Variants in HS6ST3 observed in about 807,000 individuals in gnomAD.
The protein encoded by HS6ST3 is heparan sulfate 6-O-sulfotransferase 3.
In HS6ST3, 12 loss-of-function variants were observed where a neutral mutation model predicts 36.7. The observed-to-expected ratio is 0.33, with a 90% CI of 0.21 to 0.53. The LOEUF is 0.53. HS6ST3 is among the 20% of genes least tolerant of loss of function. HS6ST3 has a pLI of 0.95. For synonymous variants in HS6ST3, 240 were observed against 257.5 expected (o/e 0.93, Z 0.65); for missense variants, 584 against 640.9 (o/e 0.91, Z 0.96).
intron 1 of HS6ST3, among the ~76,000 whole-genome samples, chr13:96,170,483 C>T (rs1745656286): frequency 6.6e-6 from 1 of 152,202 alleles, no homozygotes; most frequent in African/African-American, 2.4e-5. Flanking sequence ...TCATGTGATC[C>T]TGTTAGTGAG....
chr13:96,445,799 C>T (rs899686343), intron 1 of HS6ST3, among the ~76,000 whole-genome samples: 4 of 151,816 alleles, frequency 2.6e-5, no homozygotes, highest in Admixed American at 6.6e-5. Context: ...ACCCAGGAGG[C>T]GGAGGTTGCA....
At chr13:96,278,281 C>A (rs2139392254) in intron 1 of HS6ST3, among the ~76,000 whole-genome samples, 1 of 152,264 alleles carries the variant, frequency 6.6e-6, no homozygotes, top group Admixed American at 6.5e-5. Context: ...GAAACAGTTT[C>A]TGGTCTTTGA....
intron 1 of HS6ST3, among the ~76,000 whole-genome samples, chr13:96,460,360 C>T (rs1029262855): frequency 7.2e-5 from 11 of 152,056 alleles, no homozygotes; most frequent in African/African-American, 2.4e-4. Context: ...TTTAAGTTGT[C>T]GATGGTTTTA....
At chr13:96,162,316 G>A (rs7318449) in intron 1 of HS6ST3, among the ~76,000 whole-genome samples, 123,448 of 152,252 alleles carry the variant, frequency 0.81, 50,551 homozygotes, top group East Asian at 0.91. Flanking sequence ...CTGAATATGT[G>A]AGACATTTGG....
At chr13:96,423,463 G>A (rs2055570838) in intron 1 of HS6ST3, among the ~76,000 whole-genome samples, 1 of 151,964 alleles carries the variant, frequency 6.6e-6, no homozygotes, top group Non-Finnish European at 1.5e-5. Flanking sequence ...ATTGGCTGGA[G>A]AGTGTGCTGG....
intron 1 of HS6ST3, among the ~76,000 whole-genome samples, chr13:96,484,316 C>T (rs2055903682): frequency 6.6e-6 from 1 of 151,734 alleles, no homozygotes; most frequent in African/African-American, 2.4e-5. Flanking sequence ...TCCTTCCTTC[C>T]TATGTGCTGA....
chr13:96,355,886 CT>C (rs1269560620), intron 1 of HS6ST3, among the ~76,000 whole-genome samples: 1 of 31,422 alleles, frequency 3.2e-5, no homozygotes, highest in Non-Finnish European at 6.2e-5. Context: ...TCAAACTCCA[CT>C]GCTACTTCAT....
At chr13:96,824,529 C>A (rs1878609801) in intron 1 of HS6ST3, among the ~76,000 whole-genome samples, 1 of 152,232 alleles carries the variant, frequency 6.6e-6, no homozygotes. Context: ...TAAGCCTTAA[C>A]TGCCGCAATA....
At chr13:96,225,382 T>C (rs115167662) in intron 1 of HS6ST3, among the ~76,000 whole-genome samples, 1,749 of 152,332 alleles carry the variant, frequency 0.011, 34 homozygotes, top group African/African-American at 0.04. Context: ...AGTCCACAAG[T>C]TAGGAAACAT....
At position 96,457,033 on chromosome 13, in the gene HS6ST3, T is replaced by C. The variant is rs2055757497; in HGVS notation, c.707+365464T>C. Among the ~76,000 whole-genome samples the C allele has an allele frequency of 2.0e-5, 3 of 152,262 alleles. No homozygotes were observed. The East Asian group carries it at 5.8e-4, about 29-fold the overall frequency. On this transcript the variant is annotated intron_variant, in intron 1 of 1. Transcript: ENST00000376705. ...TAATTGTAATATTTTAATGCAGTAGTAAAATAATAGGTAAAAAATATTGAT... is the reference window on the plus strand; with the variant it reads ...TAATTGTAATATTTTAATGCAGTAGCAAAATAATAGGTAAAAAATATTGAT...
At chr13:96,251,684 C>T (rs2054608807) in intron 1 of HS6ST3, among the ~76,000 whole-genome samples, 1 of 151,892 alleles carries the variant, frequency 6.6e-6, no homozygotes, top group Non-Finnish European at 1.5e-5. Flanking sequence ...TTATCTAGGC[C>T]TTTATTGCTC....
chr13:96,238,778 AT>A (rs1474133952), intron 1 of HS6ST3, among the ~76,000 whole-genome samples: 1 of 152,222 alleles, frequency 6.6e-6, no homozygotes, highest in African/African-American at 2.4e-5. Flanking sequence ...TGCATAGTCG[AT>A]AGCGTGCTTT....
At chr13:96,203,431 G>C (rs780453172) in intron 1 of HS6ST3, among the ~76,000 whole-genome samples, 26 of 152,096 alleles carry the variant, frequency 1.7e-4, no homozygotes, top group Non-Finnish European at 5.9e-5. Context: ...TACCTCAAAG[G>C]CCTCACCTCC....
chr13:96,502,445 A>G (rs572274238), intron 1 of HS6ST3, among the ~76,000 whole-genome samples: 35 of 151,788 alleles, frequency 2.3e-4, no homozygotes, highest in Non-Finnish European at 4.7e-4. Context: ...AAATGGGTCA[A>G]AGTACTCCTG....
chr13:96,122,536 C>T (rs145783563), intron 1 of HS6ST3, among the ~76,000 whole-genome samples: 14 of 152,198 alleles, frequency 9.2e-5, no homozygotes, highest in African/African-American at 3.4e-4. Flanking sequence ...AATACACTAC[C>T]AGAGATCACT....
At chr13:96,725,666 TTGCA>T (rs1875985542) in intron 1 of HS6ST3, among the ~76,000 whole-genome samples, 1 of 151,160 alleles carries the variant, frequency 6.6e-6, no homozygotes, top group Non-Finnish European at 1.5e-5. Context: ...TTTCACTGAA[TTGCA>T]TGTGTGTGTG....
chr13:96,513,672 A>G (rs866258303), intron 1 of HS6ST3, among the ~76,000 whole-genome samples: 3 of 152,050 alleles, frequency 2.0e-5, no homozygotes, highest in Non-Finnish European at 4.4e-5. Flanking sequence ...GGCAACAGAG[A>G]ACTGCAGTCA....
chr13:96,369,164 C>G (rs2055277601), intron 1 of HS6ST3, among the ~76,000 whole-genome samples: 1 of 152,026 alleles, frequency 6.6e-6, no homozygotes, highest in Admixed American at 6.6e-5. Context: ...GCCATAGGTT[C>G]ATCCCTTCCT....
chr13:96,205,586 C>A (rs61526374), intron 1 of HS6ST3, among the ~76,000 whole-genome samples: 7,693 of 152,168 alleles, frequency 0.051, 281 homozygotes, highest in East Asian at 0.15. Flanking sequence ...CAATGAAATA[C>A]TACAAATTGA....
Sources: allele counts gnomAD v4.1 joint callset (sites outside exome capture counted in the v4.1 genomes callset), GRCh38; gene constraint gnomAD v4.1.1; transcripts MANE v1.5; gene names NCBI Gene and HGNC (gene_info 2026-07-23, HGNC 2026-07-21).